Variants in MTUS1 observed in about 807,000 individuals in gnomAD.
MTUS1 encodes the protein microtubule associated scaffold protein 1.
Under a neutral mutation model 120.8 loss-of-function variants are expected in MTUS1, and 109 were observed. That is an observed-to-expected ratio of 0.90 (90% CI 0.77 to 1.06). The LOEUF (loss-of-function observed/expected upper bound fraction) is 1.06. MTUS1 is among the 50% of genes least tolerant of loss of function. The pLI, the probability that MTUS1 is intolerant of heterozygous loss-of-function variation, is 0.00. For synonymous variants in MTUS1, 737 were observed against 550.5 expected, an observed-to-expected ratio of 1.34 and a Z score of -4.74; for missense variants, 2,210 against 1,486.3, an observed-to-expected ratio of 1.49 and a Z score of -8.01.
At chr8:17,676,444 C>A in intron 7 of MTUS1, 1 of 653,292 alleles carries the variant, frequency 1.5e-6, no homozygotes, top group South Asian at 1.6e-5. Flanking sequence ...GCAGGAGGCG[C>A]GCCATTGGCC....
chr8:17,764,707 A>T (rs1389615775), intron 1 of MTUS1, among the ~76,000 whole-genome samples: 2 of 152,240 alleles, frequency 1.3e-5, no homozygotes, highest in Admixed American at 1.3e-4. Context: ...ACGATATGGA[A>T]ATGAACAAGC....
chr8:17,678,419 A>G (rs1444850278), intron 7 of MTUS1, among the ~76,000 whole-genome samples: 1 of 129,766 alleles, frequency 7.7e-6, no homozygotes, highest in Non-Finnish European at 1.7e-5. Flanking sequence ...TCAGGCATTA[A>G]ATATATGAAA....
chr8:17,692,500 T>G (rs1817154021), intron 6 of MTUS1, among the ~76,000 whole-genome samples: 1 of 152,164 alleles, frequency 6.6e-6, no homozygotes, highest in Non-Finnish European at 1.5e-5. Flanking sequence ...AGCTGTTAAT[T>G]CCATCTAAAA....
In MTUS1 at chr8:17,646,963, A is replaced by T; in HGVS notation, c.3599+19T>A. The T allele has an allele frequency of 6.3e-7, 1 of 1,591,774 alleles. No individual in the cohort carries two copies. The highest frequency in any genetic ancestry group is 1.1e-5 in the South Asian group (1 of 90,592). ...AGGGAGCGGGGAGCTCGGGAGAAAC[A>T]GCACTGTTTTATTTTTACCTTGAGA... On this transcript the variant is annotated intron_variant, in intron 14 of 14. Coordinates refer to ENST00000693296, the MANE Select transcript of MTUS1 (RefSeq NM_001363059.2).
chr8:17,686,447 C>T (rs1815819570), intron 6 of MTUS1, among the ~76,000 whole-genome samples: 1 of 152,166 alleles, frequency 6.6e-6, no homozygotes, highest in South Asian at 2.1e-4. Context: ...TGTTCAAATT[C>T]TTTCACTATC....
chr8:17,777,004 C>T (rs1235000279), intron 1 of MTUS1, among the ~76,000 whole-genome samples: 1 of 152,128 alleles, frequency 6.6e-6, no homozygotes, highest in Non-Finnish European at 1.5e-5. Flanking sequence ...GCTTAGTCCA[C>T]AACAACCCCC....
intron 6 of MTUS1, among the ~76,000 whole-genome samples, chr8:17,686,079 A>G (rs1456226641): frequency 6.6e-6 from 1 of 152,232 alleles, no homozygotes; most frequent in Non-Finnish European, 1.5e-5. Flanking sequence ...ACAATTCCAC[A>G]GTGTTTCGCT....
chr8:17,746,329 A>C (rs1040917474), intron 2 of MTUS1, among the ~76,000 whole-genome samples: 1 of 151,908 alleles, frequency 6.6e-6, no homozygotes, highest in East Asian at 1.9e-4. Flanking sequence ...ATACATCCCA[A>C]CTCAGCATCC....
chr8:17,765,813 C>T (rs1327244882), intron 1 of MTUS1, among the ~76,000 whole-genome samples: 4 of 151,702 alleles, frequency 2.6e-5, no homozygotes, highest in Non-Finnish European at 4.4e-5. Context: ...TCAATTTTCT[C>T]GTAAAGTCCA....
chr8:17,647,267 G>A (rs1404953668), intron 13 of MTUS1, 188 bp from the exon 14 acceptor site: 2 of 532,516 alleles, frequency 3.8e-6, no homozygotes, highest in Non-Finnish European at 3.3e-6. Context: ...GAGCGGCTGG[G>A]TATTTTTAAA....
At chr8:17,679,191 A>T (rs1005975123) in intron 7 of MTUS1, among the ~76,000 whole-genome samples, 1 of 86,536 alleles carries the variant, frequency 1.2e-5, no homozygotes, top group African/African-American at 3.6e-5. Context: ...AATAACAAAA[A>T]ATATATATAC....
rs149170677 is a variant in MTUS1 at position 17,719,917 on chromosome 8, A to G, written c.2449+3755T>C. Reference sequence around the variant, plus strand: ...GAGGCCCTGTCTTATTGCAGTGAAAAGGGTCAGAAATGTTTGTTGCTGCAA... The same window carrying G: ...GAGGCCCTGTCTTATTGCAGTGAAAGGGGTCAGAAATGTTTGTTGCTGCAA... On this transcript the variant is annotated intron_variant, in intron 4 of 14. Transcript: ENST00000693296. Among the ~76,000 whole-genome samples the G allele has an allele frequency of 2.2e-3, 328 of 152,356 alleles. 2 individuals carry two copies. Among genetic ancestry groups the G allele is most frequent in the African/African-American group, 7.3e-3 (305 of 41,576 alleles).
At chr8:17,720,971 T>G (rs2045794631) in intron 4 of MTUS1, among the ~76,000 whole-genome samples, 1 of 152,190 alleles carries the variant, frequency 6.6e-6, no homozygotes, top group African/African-American at 2.4e-5. Flanking sequence ...CTTACGTATT[T>G]TGATTTGGTC....
intron 1 of MTUS1, among the ~76,000 whole-genome samples, chr8:17,778,301 A>G (rs561587255): frequency 2.6e-5 from 4 of 152,320 alleles, no homozygotes; most frequent in Non-Finnish European, 4.4e-5. Context: ...AACTCCATTT[A>G]TATAATATTC....
intron 6 of MTUS1, among the ~76,000 whole-genome samples, chr8:17,695,469 T>A (rs1485247932): frequency 1.3e-5 from 2 of 152,172 alleles, no homozygotes; most frequent in Non-Finnish European, 2.9e-5. Context: ...GCTCAAAAAA[T>A]TATGACTGCA....
intron 8 of MTUS1, among the ~76,000 whole-genome samples, chr8:17,673,029 T>C (rs1812336496): frequency 6.6e-6 from 1 of 152,210 alleles, no homozygotes; most frequent in Non-Finnish European, 1.5e-5. Flanking sequence ...TGTGAACCTC[T>C]AGGTAGGCTC....
chr8:17,647,027 T>C lies in MTUS1; in HGVS notation c.3554A>G (p.Asn1185Ser). The C allele has an allele frequency of 2.5e-6, 4 of 1,614,120 alleles. No homozygotes were observed. The South Asian group carries it at 4.4e-5, about 18-fold the overall frequency. ...GTCCATCCGAGCTTTCAATTCTTCA[T>C]TCTCCTGCTGGAAACGCTTCAATTT... ...VDKLKRFQQE[N>S]EELKARMDKH... Residue 1185 changes from asparagine to serine, a missense_variant, in exon 14 of 15, where the codon AAT becomes AGT. Transcript: ENST00000693296.
At chr8:17,767,193 A>AAAAAAAAAAAAAAAAAAG (rs2049586650) in intron 1 of MTUS1, among the ~76,000 whole-genome samples, 1 of 84,766 alleles carries the variant, frequency 1.2e-5, no homozygotes, top group Non-Finnish European at 2.4e-5. Context: ...CAGGGTAAAA[A>AAAAAAAAAAAAAAAAAAG]AAAAAAAAAA....
At chr8:17,737,340 C>T (rs185821855) in intron 3 of MTUS1, among the ~76,000 whole-genome samples, 1 of 152,222 alleles carries the variant, frequency 6.6e-6, no homozygotes, top group East Asian at 1.9e-4. Context: ...TAAAAGAGGG[C>T]TTAGCACTGT....
Sources: gnomAD v4.1 joint callset for allele counts (sites outside exome capture counted in the v4.1 genomes callset) on GRCh38, gnomAD v4.1.1 for gene constraint, MANE v1.5 for transcripts, NCBI Gene and HGNC (gene_info 2026-07-23, HGNC 2026-07-21) for gene names.